TMEM87A: variants seen among roughly 807,000 people sequenced by gnomAD.
TMEM87A encodes Golgi-pH regulating cation channel.
TMEM87A carries 50 observed loss-of-function variants against 90.0 expected under a neutral mutation model. The observed-to-expected ratio is 0.56, with a 90% CI of 0.44 to 0.70. The LOEUF (loss-of-function observed/expected upper bound fraction) is 0.70. TMEM87A is among the 30% of genes least tolerant of loss of function. TMEM87A has a pLI of 0.00. For synonymous variants in TMEM87A, 226 were observed against 226.7 expected (o/e 1.00, Z 0.03); for missense variants, 577 against 660.5 (o/e 0.87, Z 1.39).
chr15:42,267,814 T>C, intron 3 of TMEM87A, 133 bp downstream of exon 3: 1 of 576,310 alleles, frequency 1.7e-6, no homozygotes, highest in Non-Finnish European at 2.8e-6. Context: ...GGTCTGCAAA[T>C]TGGGAAGCAT....
At chr15:42,214,463 G>A (rs2050348307) in intron 19 of TMEM87A, among the ~76,000 whole-genome samples, 1 of 152,136 alleles carries the variant, frequency 6.6e-6, no homozygotes, top group Admixed American at 6.6e-5. Context: ...TTAACGGCAC[G>A]TTGAAAGAAT....
At chr15:42,251,767 T>A (rs552278901) in intron 6 of TMEM87A, among the ~76,000 whole-genome samples, 1 of 152,198 alleles carries the variant, frequency 6.6e-6, no homozygotes, top group African/African-American at 2.4e-5. Flanking sequence ...GGGAGAACGA[T>A]TGCTCTCTTC....
Position 42,210,964 on chromosome 15 carries a change from A to T in TMEM87A, c.*744T>A, listed in dbSNP as rs1255780750. 6.6e-6 allele frequency: 1 copy of T among 152,664 alleles called. No individual in the cohort carries two copies. Among genetic ancestry groups the T allele is most frequent in the East Asian group, 1.9e-4 (1 of 5,208 alleles). 9.5% of individuals were successfully genotyped at this position (152,664 alleles called of 1,614,324 possible). A position where few individuals can be genotyped will look rare whatever the true frequency, so the allele number is the denominator to read the frequency against. On this transcript the variant is annotated 3_prime_UTR_variant, in exon 20 of 20. Transcript: ENST00000389834. The stretch of plus-strand genomic sequence containing the variant: ...AGTAGTTAAAAGTTTCGGAGTGTGC[A>T]CCACATTGCCAGCAATGGGATGTGT...
intron 2 of TMEM87A, among the ~76,000 whole-genome samples, chr15:42,270,176 C>G (rs2051490266): frequency 6.6e-6 from 1 of 152,066 alleles, no homozygotes; most frequent in Non-Finnish European, 1.5e-5. Flanking sequence ...TCGAGACCAG[C>G]CTGGCCAATA....
chr15:42,231,132 G>A (rs760697234), intron 12 of TMEM87A, 60 bp downstream of exon 12: 2 of 1,354,720 alleles, frequency 1.5e-6, no homozygotes, highest in Non-Finnish European at 1.9e-6. Context: ...AAAGATCAAT[G>A]GAAACCCATC....
chr15:42,238,152 T>C (rs2050809443), intron 8 of TMEM87A, among the ~76,000 whole-genome samples: 1 of 152,158 alleles, frequency 6.6e-6, no homozygotes, highest in Non-Finnish European at 1.5e-5. Flanking sequence ...AAGAGCTTTT[T>C]CTGGTCAGGC....
At chr15:42,226,314 T>A (rs79046910) in intron 15 of TMEM87A, among the ~76,000 whole-genome samples, 13 of 150,634 alleles carry the variant, frequency 8.6e-5, no homozygotes, top group Non-Finnish European at 1.2e-4. Context: ...TGTCGGTATT[T>A]TTTTTTTTTT....
At chr15:42,261,123 A>T in intron 5 of TMEM87A, 73 bp downstream of exon 5, 1 of 1,558,110 alleles carries the variant, frequency 6.4e-7, no homozygotes, top group Non-Finnish European at 8.8e-7. Context: ...TTAGAGATGC[A>T]GTGAGCACGG....
chr15:42,211,114 C>A lies in TMEM87A; in HGVS notation c.*594G>T, dbSNP rs770641580. On this transcript the variant is annotated 3_prime_UTR_variant, in exon 20 of 20. Transcript: ENST00000389834. ...ACTTGATTTTGCTTTTTTAAATGATCTGAATCATACTGTAACAGTTTCTCT... is the reference window on the plus strand; with the variant it reads ...ACTTGATTTTGCTTTTTTAAATGATATGAATCATACTGTAACAGTTTCTCT... 6.7e-6 allele frequency: 1 copy of A among 150,110 alleles called. No individual in the cohort carries two copies. Among genetic ancestry groups the A allele is most frequent in the Non-Finnish European group, 1.5e-5 (1 of 67,678 alleles). 9.3% of individuals were successfully genotyped at this position (150,110 alleles called of 1,614,324 possible). A position where few individuals can be genotyped will look rare whatever the true frequency, so the allele number is the denominator to read the frequency against.
chr15:42,235,090 G>C (rs2050747760), intron 10 of TMEM87A, among the ~76,000 whole-genome samples: 1 of 152,186 alleles, frequency 6.6e-6, no homozygotes, highest in South Asian at 2.1e-4. Context: ...CCAGGCTAGA[G>C]TGCAGTGGCA....
chr15:42,238,985 A>G (rs2050824581), intron 8 of TMEM87A, among the ~76,000 whole-genome samples: 1 of 152,052 alleles, frequency 6.6e-6, no homozygotes, highest in Non-Finnish European at 1.5e-5. Flanking sequence ...GCACACATAC[A>G]TGTATGTGCA....
At chr15:42,218,196 ATTC>A (rs1404839729) in intron 18 of TMEM87A, 124 bp downstream of exon 18, 1 of 958,486 alleles carries the variant, frequency 1.0e-6, no homozygotes, top group Non-Finnish European at 1.6e-6. Context: ...TTTGCGGATT[ATTC>A]CTATTCTTTT....
At chr15:42,261,097 G>A (rs1251285052) in intron 5 of TMEM87A, 95 bp from the exon 6 acceptor site, 9 of 1,530,182 alleles carry the variant, frequency 5.9e-6, no homozygotes, top group Admixed American at 3.6e-5. Flanking sequence ...TGCTCCCCAG[G>A]TGCAGCACTC....
chr15:42,215,065 C>T (rs1359770345), intron 19 of TMEM87A, among the ~76,000 whole-genome samples: 4 of 152,218 alleles, frequency 2.6e-5, no homozygotes, highest in Admixed American at 2.0e-4. Context: ...CTACTACATA[C>T]CTCGGCTATA....
At chr15:42,272,217 C>T in intron 1 of TMEM87A, 94 bp from the exon 2 acceptor site, 2 of 895,818 alleles carry the variant, frequency 2.2e-6, no homozygotes, top group Non-Finnish European at 3.5e-6. Flanking sequence ...TCCAACTTAA[C>T]TTAAATCTTT....
intron 6 of TMEM87A, among the ~76,000 whole-genome samples, chr15:42,256,716 T>C (rs901719079): frequency 6.6e-5 from 10 of 152,232 alleles, no homozygotes; most frequent in Non-Finnish European, 1.3e-4. Context: ...TCAACAATAA[T>C]TTTTTTGCTG....
intron 6 of TMEM87A, among the ~76,000 whole-genome samples, chr15:42,248,872 T>C (rs2051030014): frequency 6.6e-6 from 1 of 152,198 alleles, no homozygotes; most frequent in Non-Finnish European, 1.5e-5. Flanking sequence ...CCAGCTCCTC[T>C]TTGTACCTCT....
At chr15:42,228,564 G>T in intron 13 of TMEM87A, 148 bp downstream of exon 13, 1 of 632,452 alleles carries the variant, frequency 1.6e-6, no homozygotes, top group Non-Finnish European at 2.8e-6. Context: ...AAAAACCACA[G>T]ATCCTTCTGA....
intron 15 of TMEM87A, among the ~76,000 whole-genome samples, chr15:42,220,777 T>A (rs1566922305): frequency 6.6e-6 from 1 of 152,098 alleles, no homozygotes; most frequent in Non-Finnish European, 1.5e-5. Context: ...TTTTATTTAT[T>A]TGTTTTATTA....
Sources: allele counts gnomAD v4.1 joint callset (sites outside exome capture counted in the v4.1 genomes callset), GRCh38; gene constraint gnomAD v4.1.1; transcripts MANE v1.5; gene names NCBI Gene and HGNC (gene_info 2026-07-23, HGNC 2026-07-21).